The following MEIKIN variants were observed in gnomAD, a reference collection of about 807,000 sequenced individuals.
MEIKIN encodes meiosis-specific kinetochore protein.
intron 8 of MEIKIN, among the ~76,000 whole-genome samples, chr5:131,894,761 T>C (rs199810230): frequency 2.0e-5 from 3 of 152,152 alleles, no homozygotes; most frequent in East Asian, 3.8e-4. Flanking sequence ...TATCCTGAGA[T>C]TTTGCTGAAG....
chr5:131,898,210 A>G (rs1203450798), intron 8 of MEIKIN, among the ~76,000 whole-genome samples: 2 of 152,146 alleles, frequency 1.3e-5, no homozygotes, highest in East Asian at 3.9e-4. Context: ...CTCAGACCCT[A>G]TTTGCCTGGG....
At chr5:131,937,322 T>C (rs182213265) in intron 4 of MEIKIN, among the ~76,000 whole-genome samples, 21 of 152,344 alleles carry the variant, frequency 1.4e-4, no homozygotes, top group African/African-American at 4.6e-4. Flanking sequence ...AATTTTTTGA[T>C]GTGTGACAGC....
At chr5:131,871,427 C>A (rs1750496001) in intron 9 of MEIKIN, among the ~76,000 whole-genome samples, 1 of 152,214 alleles carries the variant, frequency 6.6e-6, no homozygotes, top group South Asian at 2.1e-4. Context: ...GATCAAACTG[C>A]AAGGCGACAG....
At chr5:131,860,136 T>G (rs1750257294) in intron 9 of MEIKIN, among the ~76,000 whole-genome samples, 1 of 152,196 alleles carries the variant, frequency 6.6e-6, no homozygotes, top group Non-Finnish European at 1.5e-5. Flanking sequence ...TATAGATTGC[T>G]TTAGGTAGTA....
rs1279455268 is a variant in MEIKIN at position 131,872,274 on chromosome 5, T to G, written c.774+6704A>C. Among the ~76,000 whole-genome samples, 3 of 151,984 alleles carry G rather than the reference T, an allele frequency of 2.0e-5. No individual in the cohort carries two copies. In the East Asian group the frequency reaches 5.8e-4, roughly 29 times the overall value. On this transcript the variant is annotated intron_variant, in intron 9 of 12. Coordinates refer to ENST00000442687, the MANE Select transcript of MEIKIN (RefSeq NM_001303622.2). ...AAAAAAAATTAGACGAATGGATAAC[T>G]AGAATAACCAATGCAGAGAAGTCCT...
At chr5:131,891,235 G>A (rs905543519) in intron 8 of MEIKIN, among the ~76,000 whole-genome samples, 36 of 152,238 alleles carry the variant, frequency 2.4e-4, no homozygotes, top group African/African-American at 4.3e-4. Flanking sequence ...TATTAGGTGC[G>A]CTTGGTGCAT....
chr5:131,828,683 TCCACCATGTTCTA>T lies in MEIKIN; in HGVS notation c.976-9833_976-9821del, dbSNP rs1749657088. Among the ~76,000 whole-genome samples the T allele has an allele frequency of 2.0e-5, 3 of 152,174 alleles. No individual in the cohort carries two copies. The South Asian group carries it at 6.2e-4, about 31-fold the overall frequency. The stretch of plus-strand genomic sequence containing the variant: ...TGCTTATTTTTCCAAATTAAAAGAA[TCCACCATGTTCTA>T]CCACATTATATAGAAAAAGACTCAT... On this transcript the variant is annotated intron_variant, in intron 11 of 12. Coordinates refer to ENST00000442687, the MANE Select transcript of MEIKIN (RefSeq NM_001303622.2).
At chr5:131,868,550 G>C (rs905913355) in intron 9 of MEIKIN, among the ~76,000 whole-genome samples, 5 of 151,998 alleles carry the variant, frequency 3.3e-5, no homozygotes, top group African/African-American at 1.2e-4. Flanking sequence ...GAGGGTTTTT[G>C]TTTGGTTGGT....
chr5:131,899,222 C>A (rs2149638128), intron 8 of MEIKIN, among the ~76,000 whole-genome samples: 1 of 152,240 alleles, frequency 6.6e-6, no homozygotes, highest in Non-Finnish European at 1.5e-5. Context: ...TATTAGTTTT[C>A]TTTTCACTTG....
intron 4 of MEIKIN, among the ~76,000 whole-genome samples, chr5:131,936,640 G>A (rs1751782723): frequency 6.6e-6 from 1 of 151,946 alleles, no homozygotes; most frequent in Non-Finnish European, 1.5e-5. Flanking sequence ...TGTCACCCAG[G>A]CTGGAGTGTA....
In MEIKIN at chr5:131,923,724, C is replaced by T. The variant is rs552792875; in HGVS notation, c.479-1783G>A. On this transcript the variant is annotated intron_variant, in intron 5 of 12. Transcript: ENST00000442687. ...AAGATTTTTAAAAATATTTTCCTCT[C>T]CTTGTTCCTATTTCTCCTTGATTCT... Among the ~76,000 whole-genome samples, 12 of 151,926 alleles carry T rather than the reference C, an allele frequency of 7.9e-5. No individual in the cohort carries two copies. In the South Asian group the frequency reaches 2.5e-3, roughly 32 times the overall value.
chr5:131,922,378 C>CT (rs539631895), intron 5 of MEIKIN, among the ~76,000 whole-genome samples: 11 of 149,024 alleles, frequency 7.4e-5, no homozygotes, highest in South Asian at 2.1e-4. Flanking sequence ...CATATACAGC[C>CT]TTTTTTTTTT....
At chr5:131,819,703 G>A (rs1334191522) in intron 11 of MEIKIN, among the ~76,000 whole-genome samples, 4 of 140,782 alleles carry the variant, frequency 2.8e-5, no homozygotes, top group African/African-American at 1.1e-4. Context: ...ACGTTCAAGT[G>A]ATTTTCATAC....
intron 8 of MEIKIN, among the ~76,000 whole-genome samples, chr5:131,885,763 A>C (rs1241507322): frequency 1.3e-5 from 2 of 152,216 alleles, no homozygotes; most frequent in Non-Finnish European, 2.9e-5. Flanking sequence ...AAAACATAAC[A>C]GCTCAGCCAC....
intron 9 of MEIKIN, among the ~76,000 whole-genome samples, chr5:131,872,678 C>A (rs899811420): frequency 3.3e-5 from 5 of 152,084 alleles, no homozygotes; most frequent in Admixed American, 6.6e-5. Context: ...AGAAGAGCAA[C>A]TCCAAGACAC....
chr5:131,919,765 G>C (rs950005786), intron 6 of MEIKIN, among the ~76,000 whole-genome samples: 6 of 152,184 alleles, frequency 3.9e-5, no homozygotes, highest in Non-Finnish European at 7.4e-5. Context: ...GTTATCCATA[G>C]GGGTTAAGTG....
intron 8 of MEIKIN, among the ~76,000 whole-genome samples, chr5:131,887,539 T>A (rs1750822305): frequency 6.6e-6 from 1 of 152,162 alleles, no homozygotes; most frequent in African/African-American, 2.4e-5. Flanking sequence ...CTAACTGGTG[T>A]GAGATGGTAA....
Position 131,858,999 on chromosome 5 carries a change from C to T in MEIKIN, c.775-4165G>A, listed in dbSNP as rs183323581. ...GTGGGAATATAAATTAGTTCAGCCACGGTGGAAAGCAATTTGGTGATTTCT... is the reference window on the plus strand; with the variant it reads ...GTGGGAATATAAATTAGTTCAGCCATGGTGGAAAGCAATTTGGTGATTTCT... On this transcript the variant is annotated intron_variant, in intron 9 of 12. Transcript: ENST00000442687. Among the ~76,000 whole-genome samples the T allele has an allele frequency of 3.2e-4, 48 of 152,292 alleles. 1 individual carries two copies. The highest frequency in any genetic ancestry group is 1.0e-3 in the African/African-American group (42 of 41,566).
At chr5:131,822,519 A>C (rs769767121) in intron 11 of MEIKIN, among the ~76,000 whole-genome samples, 1 of 152,166 alleles carries the variant, frequency 6.6e-6, no homozygotes, top group Non-Finnish European at 1.5e-5. Context: ...TAATTATTTT[A>C]AACTGATGAC....
Sources: allele counts gnomAD v4.1 joint callset (sites outside exome capture counted in the v4.1 genomes callset), GRCh38; gene constraint gnomAD v4.1.1; transcripts MANE v1.5; gene names NCBI Gene and HGNC (gene_info 2026-07-23, HGNC 2026-07-21).